The following MMP20 variants were observed in gnomAD, a reference collection of about 807,000 sequenced individuals.
MMP20 encodes matrix metalloproteinase-20.
In MMP20, 50 loss-of-function variants were observed where a neutral mutation model predicts 51.8. That is an observed-to-expected ratio of 0.97 (90% CI 0.77 to 1.22). The LOEUF (loss-of-function observed/expected upper bound fraction) is 1.22, where lower values mean the gene tolerates loss of function less well. MMP20 is among the 50% of genes most tolerant of loss of function. The pLI is 0.00. For synonymous variants in MMP20, 244 were observed against 216.2 expected (o/e 1.13, Z -1.13); for missense variants, 663 against 601.4 (o/e 1.10, Z -1.07).
chr11:102,589,978 C>T (rs1036717055), intron 8 of MMP20, among the ~76,000 whole-genome samples: 8 of 151,924 alleles, frequency 5.3e-5, no homozygotes, highest in Non-Finnish European at 7.4e-5. Context: ...AATGATGCCC[C>T]GAGTCTGACT....
intron 6 of MMP20, among the ~76,000 whole-genome samples, chr11:102,602,228 A>G (rs1277261170): frequency 6.7e-6 from 1 of 149,196 alleles, no homozygotes; most frequent in Non-Finnish European, 1.5e-5. Context: ...TCGGCCTCCC[A>G]AAGTGCTGGG....
chr11:102,618,333 T>C (rs1350031615), intron 1 of MMP20, among the ~76,000 whole-genome samples: 1 of 151,530 alleles, frequency 6.6e-6, no homozygotes, highest in Non-Finnish European at 1.5e-5. Flanking sequence ...ATTTATTAGA[T>C]ATAAATTACA....
intron 6 of MMP20, among the ~76,000 whole-genome samples, chr11:102,602,158 C>T (rs1230218907): frequency 2.5e-5 from 3 of 121,926 alleles, no homozygotes; most frequent in African/African-American, 6.4e-5. Context: ...TTAGTAGAGA[C>T]GGGGTTTCAC....
chr11:102,583,639 A>C (rs1215581365), intron 8 of MMP20: 1 of 152,212 alleles, frequency 6.6e-6, no homozygotes, highest in Non-Finnish European at 1.5e-5. Flanking sequence ...CTAATGACAC[A>C]TTCCTCAGAA....
At chr11:102,608,232 C>A (rs533309605) in intron 5 of MMP20, 15 of 152,244 alleles carry the variant, frequency 9.9e-5, no homozygotes, top group African/African-American at 3.6e-4. Context: ...TGCCTTTTAT[C>A]CATTAAAGAA....
chr11:102,613,731 C>T (rs995899917), intron 2 of MMP20, among the ~76,000 whole-genome samples: 9 of 152,136 alleles, frequency 5.9e-5, no homozygotes, highest in African/African-American at 1.2e-4. Context: ...CTCTTTAACC[C>T]CAGGTTTGGG....
chr11:102,587,210 T>C (rs1859264913), intron 8 of MMP20, among the ~76,000 whole-genome samples: 1 of 152,214 alleles, frequency 6.6e-6, no homozygotes, highest in African/African-American at 2.4e-5. Context: ...CTTTGACCCA[T>C]TGGTTGTTTA....
chr11:102,587,072 A>G (rs1784449), intron 8 of MMP20, among the ~76,000 whole-genome samples: 77,342 of 151,940 alleles, frequency 0.51, 20,288 homozygotes, highest in South Asian at 0.67. Flanking sequence ...TCCTTTTTAA[A>G]TATAGGCTTT....
At chr11:102,601,951 C>CTTTTT (rs11367730) in intron 6 of MMP20, among the ~76,000 whole-genome samples, 2 of 122,886 alleles carry the variant, frequency 1.6e-5, no homozygotes, top group African/African-American at 6.0e-5. Context: ...TTCTTTCTTT[C>CTTTTT]TTTTTTTTTT....
chr11:102,596,059 G>A (rs540714858), intron 6 of MMP20, among the ~76,000 whole-genome samples: 65 of 152,340 alleles, frequency 4.3e-4, no homozygotes, highest in African/African-American at 1.5e-3. Flanking sequence ...ATGAAACACT[G>A]AAGAAGATGT....
chr11:102,596,893 T>C (rs1235702757), intron 6 of MMP20, among the ~76,000 whole-genome samples: 1 of 152,240 alleles, frequency 6.6e-6, no homozygotes. Flanking sequence ...CACCTCGTAA[T>C]GAATACAGTT....
chr11:102,585,689 A>G (rs1283514901), intron 8 of MMP20, among the ~76,000 whole-genome samples: 3 of 152,190 alleles, frequency 2.0e-5, no homozygotes, highest in Admixed American at 6.5e-5. Context: ...TGATGTTAGG[A>G]GGAATGCATC....
chr11:102,606,785 C>T, intron 5 of MMP20, 109 bp from the exon 6 acceptor site: 3 of 1,313,064 alleles, frequency 2.3e-6, no homozygotes, highest in Non-Finnish European at 3.3e-6. Flanking sequence ...GACATGTGAT[C>T]ATGATCATGG....
chr11:102,578,382 C>T (rs1483683152), intron 9 of MMP20, among the ~76,000 whole-genome samples: 4 of 152,142 alleles, frequency 2.6e-5, no homozygotes, highest in Admixed American at 2.0e-4. Context: ...AGTGATCCTA[C>T]CACCTCATCC....
At chr11:102,593,682 T>C in intron 7 of MMP20, 87 bp from the exon 8 acceptor site, 4 of 1,440,820 alleles carry the variant, frequency 2.8e-6, no homozygotes, top group Non-Finnish European at 3.9e-6. Flanking sequence ...GGCTCTTAAA[T>C]GGGGTTAGTT....
intron 9 of MMP20, among the ~76,000 whole-genome samples, chr11:102,578,011 G>A (rs554437888): frequency 2.0e-5 from 3 of 151,592 alleles, no homozygotes; most frequent in South Asian, 4.1e-4. Flanking sequence ...TTTTCAAGAA[G>A]AGTGTGCTAA....
At chr11:102,581,126 G>T (rs944000166) in intron 8 of MMP20, among the ~76,000 whole-genome samples, 4 of 151,814 alleles carry the variant, frequency 2.6e-5, no homozygotes, top group African/African-American at 9.7e-5. Context: ...GGAAAACATT[G>T]GTCATGAGGG....
chr11:102,625,105 A>T (rs1302507952), intron 1 of MMP20, 89 bp downstream of exon 1: 2 of 1,525,552 alleles, frequency 1.3e-6, no homozygotes, highest in East Asian at 4.6e-5. Flanking sequence ...TTAAAAGAAC[A>T]ATAGAATTTT....
intron 2 of MMP20, among the ~76,000 whole-genome samples, chr11:102,614,647 T>G (rs1361511555): frequency 6.6e-6 from 1 of 152,202 alleles, no homozygotes; most frequent in Non-Finnish European, 1.5e-5. Context: ...ATTGCTTTGT[T>G]TTTTTGTTCA....
Sources: gnomAD v4.1 joint callset for allele counts (sites outside exome capture counted in the v4.1 genomes callset) on GRCh38, gnomAD v4.1.1 for gene constraint, MANE v1.5 for transcripts, NCBI Gene and HGNC (gene_info 2026-07-23, HGNC 2026-07-21) for gene names.